GABRB1: variants seen among roughly 807,000 people sequenced by gnomAD.
GABRB1 encodes the protein gamma-aminobutyric acid type A receptor subunit beta1.
Under a neutral mutation model 51.6 loss-of-function variants are expected in GABRB1, and 17 were observed. The ratio of observed to expected loss-of-function variants is 0.33; its 90% CI spans 0.23 to 0.49. The LOEUF (loss-of-function observed/expected upper bound fraction) is 0.49. GABRB1 is among the 20% of genes least tolerant of loss of function. The pLI is 0.99. For missense variants in GABRB1, 410 were observed against 600.6 expected, an observed-to-expected ratio of 0.68 and a Z score of 3.32; for synonymous variants, 247 against 218.9, an observed-to-expected ratio of 1.13 and a Z score of -1.14.
chr4:47,105,429 G>C (rs75038639), intron 3 of GABRB1, among the ~76,000 whole-genome samples: 2,217 of 151,406 alleles, frequency 0.015, 32 homozygotes, highest in Non-Finnish European at 0.022. Context: ...CTGTTGTTCT[G>C]GTTCAGGCTC....
chr4:47,055,617 G>A (rs1313484824), intron 3 of GABRB1, among the ~76,000 whole-genome samples: 1 of 152,144 alleles, frequency 6.6e-6, no homozygotes, highest in Non-Finnish European at 1.5e-5. Flanking sequence ...GAGGGAAGAT[G>A]TCTCACTTGA....
intron 3 of GABRB1, among the ~76,000 whole-genome samples, chr4:47,132,980 C>A (rs150086758): frequency 1.5e-3 from 226 of 152,298 alleles, no homozygotes; most frequent in African/African-American, 5.2e-3. Context: ...CCCTGAAACA[C>A]TTTAGCTAAA....
At chr4:47,232,876 ATTT>A (rs11357071) in intron 4 of GABRB1, among the ~76,000 whole-genome samples, 3 of 135,936 alleles carry the variant, frequency 2.2e-5, no homozygotes, top group African/African-American at 2.7e-5. Flanking sequence ...TATGATCATC[ATTT>A]TTTTTTTTTT....
intron 5 of GABRB1, among the ~76,000 whole-genome samples, chr4:47,384,087 C>A (rs1336692725): frequency 6.6e-6 from 1 of 151,810 alleles, no homozygotes; most frequent in East Asian, 1.9e-4. Context: ...ATTTCTAGAA[C>A]GTAAAAATAA....
At chr4:47,267,860 G>GA (rs567956902) in intron 4 of GABRB1, among the ~76,000 whole-genome samples, 28 of 150,974 alleles carry the variant, frequency 1.9e-4, no homozygotes, top group South Asian at 4.2e-4. Flanking sequence ...TAATAGATTG[G>GA]AAAAAAAAAG....
chr4:47,080,117 T>A (rs1291204149), intron 3 of GABRB1, among the ~76,000 whole-genome samples: 1 of 152,158 alleles, frequency 6.6e-6, no homozygotes, highest in Non-Finnish European at 1.5e-5. Context: ...AACCTAGATA[T>A]TGATGTAAAT....
rs925514127 is a variant in GABRB1, at chr4:47,211,253, G to A, written c.461+49784G>A. 9.2e-5 allele frequency among the ~76,000 whole-genome samples: 14 copies of A among 152,078 alleles called. 1 individual carries two copies. The highest frequency in any genetic ancestry group is 7.2e-4 in the Admixed American group (11 of 15,266). ...GTAGCTTAGCTGTTCATTCCAGGAG[G>A]GTCTCCTAGTGAGTGGAGCCCAATA... On this transcript the variant is annotated intron_variant, in intron 4 of 8. Transcript: ENST00000295454.
intron 1 of GABRB1, among the ~76,000 whole-genome samples, chr4:47,026,176 A>T (rs1413005944): frequency 2.0e-5 from 3 of 152,026 alleles, no homozygotes; most frequent in African/African-American, 7.2e-5. Flanking sequence ...ATAAATAAAA[A>T]GTCCTTTTCA....
intron 4 of GABRB1, among the ~76,000 whole-genome samples, chr4:47,234,262 T>C (rs536076915): frequency 7.9e-5 from 12 of 151,972 alleles, no homozygotes; most frequent in Non-Finnish European, 1.8e-4. Flanking sequence ...CCAAGGCGGG[T>C]GGATCACCTG....
intron 3 of GABRB1, among the ~76,000 whole-genome samples, chr4:47,042,439 T>TATAA (rs1326786017): frequency 7.0e-6 from 1 of 142,118 alleles, no homozygotes; most frequent in Non-Finnish European, 1.5e-5. Flanking sequence ...TATATATATA[T>TATAA]AAAATACGTG....
At chr4:47,278,775 ACCATCTGG>A (rs2109903877) in intron 4 of GABRB1, among the ~76,000 whole-genome samples, 1 of 152,288 alleles carries the variant, frequency 6.6e-6, no homozygotes, top group South Asian at 2.1e-4. Flanking sequence ...CAGTTGCCAG[ACCATCTGG>A]CTACTGGATA....
intron 3 of GABRB1, among the ~76,000 whole-genome samples, chr4:47,079,328 G>T (rs900268441): frequency 1.3e-5 from 2 of 151,998 alleles, no homozygotes; most frequent in Non-Finnish European, 2.9e-5. Context: ...ATTTCTTCCT[G>T]GTTTAATCTT....
intron 5 of GABRB1, among the ~76,000 whole-genome samples, chr4:47,337,830 A>AAG (rs1725753811): frequency 6.6e-6 from 1 of 151,536 alleles, no homozygotes. Flanking sequence ...AAAAAAAAAA[A>AAG]AAAGATAGAT....
At chr4:47,012,181 T>G (rs1189696028) in intron 1 of GABRB1, among the ~76,000 whole-genome samples, 2 of 152,216 alleles carry the variant, frequency 1.3e-5, no homozygotes, top group Non-Finnish European at 2.9e-5. Flanking sequence ...AAATATTTTA[T>G]ATATAATATC....
chr4:47,090,644 G>A (rs1449828657), intron 3 of GABRB1, among the ~76,000 whole-genome samples: 1 of 152,240 alleles, frequency 6.6e-6, no homozygotes, highest in South Asian at 2.1e-4. Flanking sequence ...ATTGATCTTA[G>A]GGAAGTAGGG....
intron 5 of GABRB1, among the ~76,000 whole-genome samples, chr4:47,347,546 T>A (rs528019409): frequency 6.6e-6 from 1 of 152,256 alleles, no homozygotes; most frequent in South Asian, 2.1e-4. Flanking sequence ...GACACAGTTC[T>A]GCCTTCGTGG....
intron 4 of GABRB1, among the ~76,000 whole-genome samples, chr4:47,224,033 A>C (rs1421764195): frequency 2.6e-5 from 4 of 152,134 alleles, no homozygotes; most frequent in Non-Finnish European, 5.9e-5. Context: ...GAAACTCAGT[A>C]CTACTGACAG....
Position 47,320,190 on chromosome 4 carries a change from C to T in GABRB1, c.525C>T (p.Cys175=). The T allele has an allele frequency of 6.2e-7, 1 of 1,601,078 alleles. No homozygotes were observed. Among genetic ancestry groups the T allele is most frequent in the Non-Finnish European group, 8.6e-7 (1 of 1,167,960 alleles). The change falls in exon 5 of 9, where the codon TGC becomes TGT. Residue 175 remains cysteine (C), a synonymous_variant. Coordinates refer to ENST00000295454, the MANE Select transcript of GABRB1 (RefSeq NM_000812.4). ...LRRYPLDEQN[C]TLEIESYGYT... is the part of the protein sequence containing the mutation. The stretch of plus-strand genomic sequence containing the variant: ...GATATCCATTGGATGAGCAGAACTG[C>T]ACCCTGGAGATCGAAAGTTGTGAGT...
chr4:47,385,239 T>TATATAATAA (rs1463091358), intron 5 of GABRB1, among the ~76,000 whole-genome samples: 5 of 152,212 alleles, frequency 3.3e-5, no homozygotes, highest in Non-Finnish European at 1.5e-5. Flanking sequence ...AAGTCAAGGT[T>TATATAATAA]GTCTGAATTT....
Sources: allele counts gnomAD v4.1 joint callset (sites outside exome capture counted in the v4.1 genomes callset), GRCh38; gene constraint gnomAD v4.1.1; transcripts MANE v1.5; gene names NCBI Gene and HGNC (gene_info 2026-07-23, HGNC 2026-07-21).